Variants in KLHL22 observed in about 807,000 individuals in gnomAD.
KLHL22 encodes the protein kelch like family member 22.
In KLHL22, 18 loss-of-function variants were observed where a neutral mutation model predicts 60.7. The ratio of observed to expected loss-of-function variants is 0.30; its 90% CI spans 0.20 to 0.44. The LOEUF is 0.44. Ranked by LOEUF, KLHL22 falls within the 20% of genes least tolerant of loss-of-function variation. The pLI, the probability that KLHL22 is intolerant of heterozygous loss-of-function variation, is 1.00. For missense variants in KLHL22, 596 were observed against 852.3 expected, an observed-to-expected ratio of 0.70 and a Z score of 3.74; for synonymous variants, 355 against 354.5, an observed-to-expected ratio of 1.00 and a Z score of -0.01.
At chr22:20,462,363 AT>A (rs869296913) in intron 4 of KLHL22, among the ~76,000 whole-genome samples, 7 of 151,736 alleles carry the variant, frequency 4.6e-5, no homozygotes, top group East Asian at 1.9e-4. Context: ...TATTTAAAAA[AT>A]TTTTTTTAGA....
intron 6 of KLHL22, among the ~76,000 whole-genome samples, chr22:20,445,106 T>C (rs2052835874): frequency 6.6e-6 from 1 of 151,844 alleles, no homozygotes; most frequent in South Asian, 2.1e-4. Context: ...GCTCTTTGAC[T>C]ACAATCAGGC....
intron 4 of KLHL22, 49 bp downstream of exon 4, chr22:20,464,809 A>G: frequency 8.4e-7 from 1 of 1,188,486 alleles, no homozygotes; most frequent in Non-Finnish European, 1.2e-6. Flanking sequence ...TGACTTCCAC[A>G]CCCTCTCATC....
In KLHL22 at chr22:20,465,219, C is replaced by T. The variant is rs772331215; in HGVS notation, c.751G>A (p.Ala251Thr). The stretch of plus-strand genomic sequence containing the variant: ...TCATGCAGCCGCTGCAGGACCTCAG[C>T]TTCCATCAGCGGAAACCGCACTGTC... ...LETVRFPLME[A>T]EVLQRLHDKL... The change falls in exon 4 of 7, where the codon GCT (alanine) becomes ACT (threonine). Residue 251 changes from alanine to threonine, a missense_variant. Transcript: ENST00000328879. The surrounding 1 kb of genome is among the most constrained non-coding windows in gnomAD (Gnocchi z 4.9). 3.1e-6 allele frequency: 5 copies of T among 1,613,804 alleles called. No homozygotes were observed. Among genetic ancestry groups the T allele is most frequent in the Admixed American group, 1.7e-5 (1 of 59,990 alleles).
intron 5 of KLHL22, chr22:20,450,100 T>A (rs1168207007): frequency 1.3e-6 from 1 of 768,108 alleles, no homozygotes; most frequent in Non-Finnish European, 2.4e-6. Context: ...GACCTATTTT[T>A]GTTCTTTCTC....
intron 2 of KLHL22, among the ~76,000 whole-genome samples, chr22:20,478,048 GCA>G (rs561193154): frequency 8.5e-4 from 130 of 152,166 alleles, no homozygotes; most frequent in African/African-American, 3.1e-3. Context: ...TAAGCCAAGA[GCA>G]CAGTTGTTCA....
intron 4 of KLHL22, among the ~76,000 whole-genome samples, chr22:20,460,786 T>C (rs1255305805): frequency 6.6e-6 from 1 of 152,190 alleles, no homozygotes; most frequent in African/African-American, 2.4e-5. Flanking sequence ...AGTCCTCAAG[T>C]AATATTTTTC....
intron 2 of KLHL22, chr22:20,488,461 TAAGAGACAGATTCCAA>T: frequency 3.6e-5 from 6 of 165,618 alleles, no homozygotes; most frequent in Admixed American, 1.1e-4. Flanking sequence ...GTGCTAGGGA[TAAGAGACAGATTCCAA>T]CCCAGTGGAA....
At chr22:20,480,983 C>A (rs2053490522) in intron 2 of KLHL22, among the ~76,000 whole-genome samples, 1 of 151,758 alleles carries the variant, frequency 6.6e-6, no homozygotes, top group African/African-American at 2.4e-5. Context: ...AGGCACCCGC[C>A]ACCATGCCCG....
At chr22:20,485,625 TG>T (rs2053572078) in intron 2 of KLHL22, among the ~76,000 whole-genome samples, 1 of 152,176 alleles carries the variant, frequency 6.6e-6, no homozygotes, top group Non-Finnish European at 1.5e-5. Context: ...CCGAACACTT[TG>T]GGAGGCCAAG....
Position 20,489,173 on chromosome 22 carries a change from C to G in KLHL22, c.39G>C (p.Leu13Phe). ...AGTGTGGGTGTGAGGGCTGTGCAGGCAACTTGCAGAGCTGGGTGAACTCCT... is the reference window on the plus strand; with the variant it reads ...AGTGTGGGTGTGAGGGCTGTGCAGGGAACTTGCAGAGCTGGGTGAACTCCT... ...EEQEFTQLCK[L>F]PAQPSHPHCV... Residue 13 changes from leucine to phenylalanine, a missense_variant, in exon 2 of 7, where the codon TTG becomes TTC. Transcript: ENST00000328879. The G allele has an allele frequency of 6.2e-7, 1 of 1,614,124 alleles. No homozygotes were observed. The highest frequency in any genetic ancestry group is 8.5e-7 in the Non-Finnish European group (1 of 1,180,030).
chr22:20,471,725 T>G (rs757946077), intron 2 of KLHL22, among the ~76,000 whole-genome samples: 1 of 152,132 alleles, frequency 6.6e-6, no homozygotes. Flanking sequence ...ATCCTGGAAA[T>G]TGTCCTGTTT....
At chr22:20,494,925 C>T (rs563197425) in intron 1 of KLHL22, among the ~76,000 whole-genome samples, 1 of 152,318 alleles carries the variant, frequency 6.6e-6, no homozygotes, top group Non-Finnish European at 1.5e-5. Flanking sequence ...AGCAGTATCC[C>T]CTCAAAGAAA....
chr22:20,485,745 G>A (rs1008893771), intron 2 of KLHL22, among the ~76,000 whole-genome samples: 5 of 152,094 alleles, frequency 3.3e-5, no homozygotes, highest in Non-Finnish European at 7.3e-5. Context: ...GCACACGTCT[G>A]TAATCCCAGC....
intron 2 of KLHL22, chr22:20,483,384 T>G: frequency 1.2e-6 from 1 of 801,992 alleles, no homozygotes; most frequent in Non-Finnish European, 2.2e-6. Context: ...GGTCCTGAGA[T>G]TTGGGGGCAT....
At chr22:20,481,495 C>A (rs1017347396) in intron 2 of KLHL22, among the ~76,000 whole-genome samples, 16 of 152,132 alleles carry the variant, frequency 1.1e-4, no homozygotes, top group Non-Finnish European at 1.3e-4. Context: ...ATCACTTGAA[C>A]CTGGTAGGCG....
At position 20,490,347 on chromosome 22, in the gene KLHL22, G is replaced by A. The variant is rs118162620; in HGVS notation, c.-33-1103C>T. On this transcript the variant is annotated intron_variant, in intron 1 of 6. Coordinates refer to ENST00000328879, the MANE Select transcript of KLHL22 (RefSeq NM_032775.4). ...GGGTACACCTACACAAACCTAGGTGGTAGAGACTACTACACATCTAGGCCA... is the reference window on the plus strand; with the variant it reads ...GGGTACACCTACACAAACCTAGGTGATAGAGACTACTACACATCTAGGCCA... 1.1e-4 allele frequency among the ~76,000 whole-genome samples: 16 copies of A among 152,316 alleles called. No homozygotes were observed. The East Asian group carries it at 3.1e-3, about 29-fold the overall frequency.
rs140114134 is a variant in KLHL22 at position 20,486,161 on chromosome 22, C to T, written c.227+2824G>A. ...CAGCCTGGGTGACAGAGTGAGATTC[C>T]GTCTCAAAAAAAAAAAAAAAAAAAG... On this transcript the variant is annotated intron_variant, in intron 2 of 6. Transcript: ENST00000328879. 7.8e-4 allele frequency among the ~76,000 whole-genome samples: 97 copies of T among 124,256 alleles called. 1 individual carries two copies. The highest frequency in any genetic ancestry group is 2.6e-3 in the African/African-American group (85 of 32,566). The allele number at this position is 124,256 out of a possible 152,430, so 81.5% of individuals were successfully genotyped here.
At chr22:20,458,557 C>T (rs575620136) in intron 4 of KLHL22, among the ~76,000 whole-genome samples, 148 of 150,278 alleles carry the variant, frequency 9.8e-4, no homozygotes, top group African/African-American at 3.5e-3. Flanking sequence ...CCACTTCCAT[C>T]TCACTTACCT....
At chr22:20,463,817 G>C (rs98399) in intron 4 of KLHL22, among the ~76,000 whole-genome samples, 1 of 152,056 alleles carries the variant, frequency 6.6e-6, no homozygotes, top group Non-Finnish European at 1.5e-5. Flanking sequence ...CCTGGGGCCA[G>C]CAGTAGAGAG....
Sources: gnomAD v4.1 joint callset for allele counts (sites outside exome capture counted in the v4.1 genomes callset) on GRCh38, gnomAD v4.1.1 for gene constraint, Gnocchi (gnomAD v3.1) non-coding constraint, MANE v1.5 for transcripts, NCBI Gene and HGNC (gene_info 2026-07-23, HGNC 2026-07-21) for gene names.